The following SLC25A13 variants were observed in gnomAD, a reference collection of about 807,000 sequenced individuals.
SLC25A13 encodes the protein solute carrier family 25 member 13.
In SLC25A13, 70 loss-of-function variants were observed where a neutral mutation model predicts 85.5. The observed-to-expected ratio is 0.82, with a 90% CI of 0.68 to 1.00. SLC25A13 has a LOEUF of 1.00. Among genes scored for constraint, SLC25A13 ranks in the 50% least tolerant of loss-of-function variants. The pLI is 0.00. For synonymous variants in SLC25A13, 259 were observed against 288.7 expected (o/e 0.90, Z 1.04); for missense variants, 765 against 819.8 (o/e 0.93, Z 0.82).
chr7:96,305,160 AC>A (rs113332513), intron 1 of SLC25A13, among the ~76,000 whole-genome samples: 84 of 152,316 alleles, frequency 5.5e-4, no homozygotes, highest in African/African-American at 1.8e-3. Context: ...AAGCTGAGGT[AC>A]TAAAGAGTCT....
intron 3 of SLC25A13, among the ~76,000 whole-genome samples, chr7:96,237,576 G>A (rs1055093807): frequency 6.6e-5 from 10 of 152,154 alleles, no homozygotes; most frequent in African/African-American, 2.2e-4. Context: ...CTTTGTTTTA[G>A]AAAAAGAACT....
At chr7:96,150,280 G>T (rs1252641832) in intron 13 of SLC25A13, among the ~76,000 whole-genome samples, 1 of 151,966 alleles carries the variant, frequency 6.6e-6, no homozygotes, top group Non-Finnish European at 1.5e-5. Context: ...AGAACTGCAA[G>T]GACACAAGAT....
At chr7:96,288,877 T>G (rs1798999412) in intron 2 of SLC25A13, among the ~76,000 whole-genome samples, 1 of 152,200 alleles carries the variant, frequency 6.6e-6, no homozygotes, top group South Asian at 2.1e-4. Context: ...CTCTGCAGAC[T>G]TAAATGTCCC....
At chr7:96,240,475 A>G (rs1195276951) in intron 3 of SLC25A13, among the ~76,000 whole-genome samples, 1 of 152,216 alleles carries the variant, frequency 6.6e-6, no homozygotes, top group African/African-American at 2.4e-5. Flanking sequence ...TCTGCTCCCC[A>G]GAAATGGTGG....
At chr7:96,257,101 T>C (rs931098848) in intron 3 of SLC25A13, among the ~76,000 whole-genome samples, 1 of 152,078 alleles carries the variant, frequency 6.6e-6, no homozygotes, top group Admixed American at 6.6e-5. Flanking sequence ...TAAATGCCCA[T>C]AGGAAAAGGC....
At chr7:96,135,147 G>A (rs2116441415) in intron 14 of SLC25A13, among the ~76,000 whole-genome samples, 1 of 152,138 alleles carries the variant, frequency 6.6e-6, no homozygotes, top group East Asian at 1.9e-4. Flanking sequence ...GAAACTTTAG[G>A]AATGAATGAA....
At chr7:96,164,949 G>T (rs1252936787) in intron 13 of SLC25A13, among the ~76,000 whole-genome samples, 1 of 152,144 alleles carries the variant, frequency 6.6e-6, no homozygotes, top group East Asian at 1.9e-4. Context: ...TAACATTAAA[G>T]AAAAGATATA....
At chr7:96,224,408 C>A (rs1176766671) in intron 4 of SLC25A13, among the ~76,000 whole-genome samples, 2 of 152,168 alleles carry the variant, frequency 1.3e-5, no homozygotes, top group South Asian at 2.1e-4. Context: ...GCCCTGACAA[C>A]CACCCTCCCA....
chr7:96,139,905 G>A (rs1483501828), intron 14 of SLC25A13, among the ~76,000 whole-genome samples: 2 of 144,428 alleles, frequency 1.4e-5, no homozygotes, highest in East Asian at 2.0e-4. Context: ...ATGTTGCAAT[G>A]AACCTGGTAG....
intron 2 of SLC25A13, among the ~76,000 whole-genome samples, chr7:96,292,511 A>G (rs1414693436): frequency 6.6e-6 from 1 of 152,326 alleles, no homozygotes; most frequent in Non-Finnish European, 1.5e-5. Flanking sequence ...AGATGACATG[A>G]TTGTATATTT....
intron 1 of SLC25A13, among the ~76,000 whole-genome samples, chr7:96,307,509 C>T (rs940545713): frequency 4.0e-5 from 6 of 151,106 alleles, no homozygotes; most frequent in East Asian, 3.9e-4. Flanking sequence ...GAGCCATAAT[C>T]GCGCCACTGC....
chr7:96,242,155 C>T (rs1797022471), intron 3 of SLC25A13, among the ~76,000 whole-genome samples: 2 of 152,154 alleles, frequency 1.3e-5, no homozygotes, highest in South Asian at 2.1e-4. Context: ...ACAGCAGAAG[C>T]CAAGCAATTG....
intron 2 of SLC25A13, among the ~76,000 whole-genome samples, chr7:96,284,602 C>T (rs997409092): frequency 3.3e-5 from 5 of 152,194 alleles, no homozygotes; most frequent in Admixed American, 6.6e-5. Context: ...GCTGTGTCCC[C>T]GCCCAAATCT....
intron 3 of SLC25A13, among the ~76,000 whole-genome samples, chr7:96,238,083 C>T (rs1456360839): frequency 6.6e-6 from 1 of 152,090 alleles, no homozygotes; most frequent in Non-Finnish European, 1.5e-5. Context: ...AGGGTAGCTG[C>T]AAATGGAACT....
chr7:96,204,813 G>A (rs1368031145), intron 5 of SLC25A13, among the ~76,000 whole-genome samples: 1 of 152,096 alleles, frequency 6.6e-6, no homozygotes, highest in Non-Finnish European at 1.5e-5. Flanking sequence ...TGACAAACCC[G>A]ACATGCTCAG....
chr7:96,168,098 G>GGAAAAAAAAAA (rs1793836839), intron 13 of SLC25A13, among the ~76,000 whole-genome samples: 2 of 19,694 alleles, frequency 1.0e-4, no homozygotes, highest in Non-Finnish European at 2.5e-4. Context: ...AACTCTGTCT[G>GGAAAAAAAAAA]AAAAAAAAAA....
intron 3 of SLC25A13, among the ~76,000 whole-genome samples, chr7:96,258,178 T>C (rs1192784917): frequency 1.3e-5 from 2 of 152,172 alleles, no homozygotes; most frequent in East Asian, 1.9e-4. Flanking sequence ...ATGCCCTCTC[T>C]CACCACTCCT....
chr7:96,286,268 G>C (rs930059551), intron 2 of SLC25A13, among the ~76,000 whole-genome samples: 2 of 135,098 alleles, frequency 1.5e-5, no homozygotes, highest in African/African-American at 2.8e-5. Flanking sequence ...CTGGGTGACA[G>C]AGTAAGACTC....
intron 3 of SLC25A13, among the ~76,000 whole-genome samples, chr7:96,253,125 G>T (rs1283977979): frequency 1.3e-5 from 2 of 152,144 alleles, no homozygotes; most frequent in African/African-American, 2.4e-5. Flanking sequence ...GGAATTAATT[G>T]TAAGGGCCAG....
Sources: gnomAD v4.1 joint callset for allele counts (sites outside exome capture counted in the v4.1 genomes callset) on GRCh38, gnomAD v4.1.1 for gene constraint, MANE v1.5 for transcripts, NCBI Gene and HGNC (gene_info 2026-07-23, HGNC 2026-07-21) for gene names.